RBFOX1: variants seen among roughly 807,000 people sequenced by gnomAD.
The protein encoded by RBFOX1 is RNA binding fox-1 homolog 1, also known as RNA binding protein fox-1 homolog 1.
RBFOX1 carries 8 observed loss-of-function variants against 57.7 expected under a neutral mutation model. That is an observed-to-expected ratio of 0.14 (90% CI 0.08 to 0.25). The LOEUF is 0.25. Ranked by LOEUF, RBFOX1 falls within the 10% of genes least tolerant of loss-of-function variation. The probability of loss-of-function intolerance (pLI) is 1.00; values close to 1 mark genes in which losing one functional copy is unlikely to be tolerated. For synonymous variants in RBFOX1, 326 were observed against 222.4 expected, an observed-to-expected ratio of 1.47 and a Z score of -4.15; for missense variants, 611 against 548.5, an observed-to-expected ratio of 1.11 and a Z score of -1.14.
intron 5 of RBFOX1, among the ~76,000 whole-genome samples, chr16:7,573,317 G>A (rs2092985948): frequency 6.6e-6 from 1 of 152,116 alleles, no homozygotes; most frequent in Non-Finnish European, 1.5e-5. Flanking sequence ...TCACAGCCGA[G>A]AACACTGAAC....
chr16:5,355,546 G>C (rs2065366410), intron 1 of RBFOX1, among the ~76,000 whole-genome samples: 1 of 152,174 alleles, frequency 6.6e-6, no homozygotes, highest in Non-Finnish European at 1.5e-5. Flanking sequence ...GCTTCAAAGA[G>C]AGGTTAATGA....
At chr16:6,388,537 G>T (rs1020334712) in intron 2 of RBFOX1, among the ~76,000 whole-genome samples, 2 of 151,588 alleles carry the variant, frequency 1.3e-5, no homozygotes, top group Non-Finnish European at 1.5e-5. Flanking sequence ...TATATTTGTC[G>T]TGTGATATAT....
rs539707838 is a variant in RBFOX1 at position 5,672,843 on chromosome 16, C to G, written c.318+73882C>G. 5.0e-5 allele frequency among the ~76,000 whole-genome samples: 7 copies of G among 139,464 alleles called. No individual in the cohort carries two copies. The South Asian group carries it at 1.5e-3, about 30-fold the overall frequency. 91.5% of individuals were successfully genotyped at this position (139,464 alleles called of 152,430 possible). A position where few individuals can be genotyped will look rare whatever the true frequency, so the allele number is the denominator to read the frequency against. Reference sequence around the variant, plus strand: ...AAATAAGAGAGGGATGATCAGAAATCCTTCACCGTAGGTGTGTGTGTGTGT... The same window carrying G: ...AAATAAGAGAGGGATGATCAGAAATGCTTCACCGTAGGTGTGTGTGTGTGT... On this transcript the variant is annotated intron_variant, in intron 3 of 19. Coordinates refer to the RBFOX1 transcript ENST00000641259.
intron 3 of RBFOX1, among the ~76,000 whole-genome samples, chr16:7,005,665 A>G (rs1010315503): frequency 2.0e-5 from 3 of 152,194 alleles, no homozygotes; most frequent in Admixed American, 6.5e-5. Flanking sequence ...AAACAATTTC[A>G]TAGAATATCA....
intron 14 of RBFOX1, among the ~76,000 whole-genome samples, chr16:7,699,904 T>G (rs1036866030): frequency 6.6e-6 from 1 of 151,960 alleles, no homozygotes; most frequent in Non-Finnish European, 1.5e-5. Flanking sequence ...CATTTGGAGG[T>G]GGGGGATGTT....
chr16:7,371,085 G>C (rs1475056491), intron 4 of RBFOX1, among the ~76,000 whole-genome samples: 1 of 152,120 alleles, frequency 6.6e-6, no homozygotes, highest in East Asian at 1.9e-4. Flanking sequence ...GTTTTACGCA[G>C]GTTTTCAGAA....
At chr16:6,670,946 G>A (rs889404642) in intron 3 of RBFOX1, among the ~76,000 whole-genome samples, 1 of 152,140 alleles carries the variant, frequency 6.6e-6, no homozygotes, top group African/African-American at 2.4e-5. Flanking sequence ...CTTGCAGCGA[G>A]CCGAGATCGT....
intron 4 of RBFOX1, among the ~76,000 whole-genome samples, chr16:7,449,197 G>A (rs1206112983): frequency 1.3e-5 from 2 of 152,002 alleles, no homozygotes; most frequent in African/African-American, 4.8e-5. Flanking sequence ...CCAAAGTGCT[G>A]GGATTACAGG....
At chr16:5,761,361 A>G (rs111294414) in intron 3 of RBFOX1, among the ~76,000 whole-genome samples, 2 of 152,144 alleles carry the variant, frequency 1.3e-5, no homozygotes, top group Non-Finnish European at 2.9e-5. Flanking sequence ...GCTGTTTGGT[A>G]GTTATTTATT....
intron 3 of RBFOX1, among the ~76,000 whole-genome samples, chr16:6,914,873 G>A (rs1353422359): frequency 6.6e-6 from 1 of 152,202 alleles, no homozygotes; most frequent in African/African-American, 2.4e-5. Flanking sequence ...GGGCAACAGA[G>A]CAAGACCCTC....
intron 4 of RBFOX1, among the ~76,000 whole-genome samples, chr16:7,239,127 A>G (rs1205454974): frequency 6.6e-6 from 1 of 151,902 alleles, no homozygotes; most frequent in Non-Finnish European, 1.5e-5. Flanking sequence ...TTTTATTATC[A>G]TTTTCTCCTT....
chr16:7,597,478 T>C, intron 9 of RBFOX1, 47 bp downstream of exon 9: 2 of 1,473,590 alleles, frequency 1.4e-6, no homozygotes, highest in Non-Finnish European at 9.4e-7. Context: ...TACTTCTGAC[T>C]CTTTAAGTAA....
At chr16:7,418,640 A>C (rs1182698080) in intron 4 of RBFOX1, among the ~76,000 whole-genome samples, 2 of 152,150 alleles carry the variant, frequency 1.3e-5, no homozygotes, top group African/African-American at 4.8e-5. Flanking sequence ...ATTAGATTAG[A>C]TTGGATCTTA....
At chr16:7,701,896 T>G (rs997047489) in intron 14 of RBFOX1, among the ~76,000 whole-genome samples, 1 of 152,188 alleles carries the variant, frequency 6.6e-6, no homozygotes, top group African/African-American at 2.4e-5. Flanking sequence ...GTTATGTTAA[T>G]GCTTTCAGGA....
intron 2 of RBFOX1, among the ~76,000 whole-genome samples, chr16:6,591,181 C>A (rs1439142312): frequency 1.3e-5 from 2 of 152,198 alleles, no homozygotes; most frequent in Non-Finnish European, 2.9e-5. Context: ...CGTGGCTGCT[C>A]ATGCCTGTAA....
At chr16:6,934,983 G>C (rs2077134369) in intron 3 of RBFOX1, among the ~76,000 whole-genome samples, 1 of 152,166 alleles carries the variant, frequency 6.6e-6, no homozygotes, top group South Asian at 2.1e-4. Context: ...AGCAAGTCGG[G>C]AGGCTGAGAT....
intron 2 of RBFOX1, among the ~76,000 whole-genome samples, chr16:6,573,272 G>A (rs960312771): frequency 3.3e-5 from 5 of 152,076 alleles, no homozygotes; most frequent in African/African-American, 1.2e-4. Context: ...CCACAAACAC[G>A]CCTCACCGAA....
chr16:6,354,713 T>G lies in RBFOX1; in HGVS notation c.-64+37656T>G, dbSNP rs185379828. 4.6e-5 allele frequency among the ~76,000 whole-genome samples: 7 copies of G among 152,308 alleles called. No individual in the cohort carries two copies. The East Asian group carries it at 7.7e-4, about 17-fold the overall frequency. On this transcript the variant is annotated intron_variant, in intron 2 of 15. Coordinates refer to ENST00000550418, the MANE Select transcript of RBFOX1 (RefSeq NM_018723.4). ...ACAGGCCGTTCCTGTACCTGGAACA[T>G]TTCTCCTCCCTCGGTCTCACTAATC... is the stretch of plus-strand genomic sequence containing the variant.
At chr16:5,735,655 G>C (rs916703578) in intron 3 of RBFOX1, among the ~76,000 whole-genome samples, 1 of 152,138 alleles carries the variant, frequency 6.6e-6, no homozygotes, top group Admixed American at 6.5e-5. Context: ...TCAGCGCTTT[G>C]GGAGGCCAAA....
Sources: gnomAD v4.1 joint callset for allele counts (sites outside exome capture counted in the v4.1 genomes callset) on GRCh38, gnomAD v4.1.1 for gene constraint, MANE v1.5 for transcripts, NCBI Gene and HGNC (gene_info 2026-07-23, HGNC 2026-07-21) for gene names.